Variants in PZP observed in about 807,000 individuals in gnomAD.
PZP encodes pregnancy zone protein.
In PZP, 150 loss-of-function variants were observed where a neutral mutation model predicts 179.8. That is an observed-to-expected ratio of 0.83 (90% CI 0.73 to 0.96). The LOEUF is 0.96. Among genes scored for constraint, PZP ranks in the 40% least tolerant of loss-of-function variants. PZP has a pLI of 0.00. For synonymous variants in PZP, 624 were observed against 652.3 expected, an observed-to-expected ratio of 0.96 and a Z score of 0.66; for missense variants, 1,689 against 1,764.0, an observed-to-expected ratio of 0.96 and a Z score of 0.76.
intron 11 of PZP, among the ~76,000 whole-genome samples, chr12:9,193,573 CTG>C (rs1943575959): frequency 6.6e-6 from 1 of 152,062 alleles, no homozygotes; most frequent in South Asian, 2.1e-4. Context: ...ACACGTGAAA[CTG>C]AGAAACAGAA....
chr12:9,203,337 CTTTTTTTTTTTTT>C (rs528084441), intron 2 of PZP, among the ~76,000 whole-genome samples: 2 of 114,592 alleles, frequency 1.7e-5, no homozygotes, highest in South Asian at 2.9e-4. Flanking sequence ...AACTACATTC[CTTTTTTTTTTTTT>C]TTTTTTTTTG....
At chr12:9,139,023 G>A in the PZP span, among the ~76,000 whole-genome samples, 1 of 151,742 alleles carries the variant, frequency 6.6e-6, no homozygotes, top group Non-Finnish European at 1.5e-5. Context: ...AATTTGGGTT[G>A]ATTATTTTAG....
Position 9,153,251 on chromosome 12 carries a change from T to C in PZP, c.3867A>G (p.Ser1289=). Residue 1289 remains serine (S), a synonymous_variant, in exon 30 of 36, where the codon TCA becomes TCG. Transcript: ENST00000261336. The stretch of plus-strand genomic sequence containing the variant: ...CTTGGAAATTTGTAGAAAAGGTCTG[T>C]GAATCCTGAACGGTGACCTGTGCAG... ...EKTAQVTVQD[S]QTFSTNFQVD... 2 of 1,614,200 alleles carry C rather than the reference T, an allele frequency of 1.2e-6. No individual in the cohort carries two copies. The highest frequency in any genetic ancestry group is 1.7e-6 in the Non-Finnish European group (2 of 1,180,018).
In PZP at chr12:9,153,136, C is replaced by T; in HGVS notation, c.3982G>A (p.Val1328Met). ...YVITVTGERC[V>M]YLQTSMKYNI... is the part of the protein sequence containing the mutation. ...GCTTGGAGCCCTACCTGAAGATACA[C>T]ACATCTTTCCCCAGTTACTGTTATG... The change falls in exon 30 of 36, where the codon GTG (valine) becomes ATG (methionine). Residue 1328 changes from valine (V) to methionine (M), a missense_variant. By Grantham distance (21) the Val-to-Met change is conservative (BLOSUM62 1). This residue lies in a region of PZP where 746 missense variants were observed against 749.2 expected (regional missense o/e 1.00). Coordinates refer to ENST00000261336, the MANE Select transcript of PZP (RefSeq NM_002864.3). The T allele has an allele frequency of 3.1e-6, 5 of 1,614,060 alleles. No homozygotes were observed. The highest frequency in any genetic ancestry group is 4.2e-6 in the Non-Finnish European group (5 of 1,179,908).
rs1351971123 is a variant in PZP, at chr12:9,170,559, A to G, written c.1840-968T>C. ...ACTGTCTTGGAATCTCAGCCAGCCG[A>G]CGGCAGTGGGTTGGAGTCCACCTGA... On this transcript the variant is annotated intron_variant, in intron 15 of 35. Coordinates refer to ENST00000261336, the MANE Select transcript of PZP (RefSeq NM_002864.3). This position sits in a 1 kb window ranked among gnomAD's most constrained non-coding sequence, Gnocchi z 4.6. Among the ~76,000 whole-genome samples the G allele has an allele frequency of 6.6e-6, 1 of 152,144 alleles. No homozygotes were observed. Among genetic ancestry groups the G allele is most frequent in the East Asian group, 1.9e-4 (1 of 5,182 alleles).
intron 19 of PZP, 105 bp downstream of exon 19, chr12:9,165,034 C>A (rs1941485946): frequency 7.3e-7 from 1 of 1,371,148 alleles, no homozygotes; most frequent in Admixed American, 1.8e-5. Context: ...TGCTAACACA[C>A]AATCCCTTGA....
chr12:9,205,239 T>C (rs1284461818), intron 1 of PZP, among the ~76,000 whole-genome samples: 1 of 152,196 alleles, frequency 6.6e-6, no homozygotes, highest in Non-Finnish European at 1.5e-5. Flanking sequence ...TGGCCTTAGC[T>C]TTATTGATGA....
At chr12:9,147,009 C>T (rs1940045197), downstream of PZP, among the ~76,000 whole-genome samples, 2 of 152,134 alleles carry the variant, frequency 1.3e-5, no homozygotes. Flanking sequence ...ATCTAGAATT[C>T]CAAGCTGCCA....
rs747354274 is a variant in PZP at position 9,169,416 on chromosome 12, A to C, written c.2001+14T>G. 2 of 1,570,600 alleles carry C rather than the reference A, an allele frequency of 1.3e-6. No homozygotes were observed. Among genetic ancestry groups the C allele is most frequent in the Admixed American group, 1.8e-5 (1 of 54,600 alleles). ...CTCACAAGCCAGCATGTTAATAAGT[A>C]GTGAGAATTTTACCTTGAGGAAGCT... On this transcript the variant is annotated intron_variant, in intron 16 of 35. Transcript: ENST00000261336.
chr12:9,195,248 A>T (rs1943701899), intron 10 of PZP, among the ~76,000 whole-genome samples: 1 of 152,168 alleles, frequency 6.6e-6, no homozygotes, highest in African/African-American at 2.4e-5. Flanking sequence ...ATTTAAAATA[A>T]TAAAAATACA....
chr12:9,202,276 C>T (rs930548368), intron 4 of PZP, 43 bp downstream of exon 4: 1 of 1,513,002 alleles, frequency 6.6e-7, no homozygotes, highest in African/African-American at 1.4e-5. Flanking sequence ...GGTGAGTATT[C>T]CCACTCTACC....
intron 17 of PZP, chr12:9,167,150 A>T (rs1047997480): frequency 6.6e-5 from 10 of 152,024 alleles, no homozygotes; most frequent in African/African-American, 2.4e-4. Flanking sequence ...CTCTGTCTTC[A>T]CTCTTATCTT....
rs750614401 is a variant in PZP at position 9,202,683 on chromosome 12, A to C, written c.269T>G (p.Leu90Arg). 6.2e-7 allele frequency: 1 copy of C among 1,612,806 alleles called. No homozygotes were observed. The highest frequency in any genetic ancestry group is 1.1e-5 in the South Asian group (1 of 90,942). Residue 90 changes from leucine (L) to arginine (R), a missense_variant and splice_region_variant, in exon 3 of 36, where the codon CTC becomes CGC. Coordinates refer to ENST00000261336, the MANE Select transcript of PZP (RefSeq NM_002864.3). ...CTCTGAAGAGGCTGAGATCCTTGGG[A>C]GCTAAAAAGCAAAGGATTTTTTACT... ...KDLFHCVSFTLPRISASSEVA... is the reference protein window; with the variant it reads ...KDLFHCVSFTRPRISASSEVA...
chr12:9,192,258 T>C lies in PZP; in HGVS notation c.1483-2A>G. 1 of 1,613,788 alleles carries C rather than the reference T, an allele frequency of 6.2e-7. No individual in the cohort carries two copies. Among genetic ancestry groups the C allele is most frequent in the Non-Finnish European group, 8.5e-7 (1 of 1,179,758 alleles). On this transcript the variant is annotated splice_acceptor_variant, in intron 12 of 35. Coordinates refer to ENST00000261336, the MANE Select transcript of PZP (RefSeq NM_002864.3). LOFTEE classifies it high-confidence loss of function. Reference sequence around the variant, plus strand: ...GACGATGACTCCCTTAGCCATGATCTGAAATGAAAAAACAGTGAAGGAAAT... The same window carrying C: ...GACGATGACTCCCTTAGCCATGATCCGAAATGAAAAAACAGTGAAGGAAAT...
At chr12:9,171,318 A>G (rs1235941651) in intron 15 of PZP, among the ~76,000 whole-genome samples, 3 of 152,220 alleles carry the variant, frequency 2.0e-5, no homozygotes, top group African/African-American at 7.2e-5. Context: ...AAACAACAGC[A>G]TCAACAAAAA....
chr12:9,171,161 T>C (rs1941973214), intron 15 of PZP, among the ~76,000 whole-genome samples: 1 of 152,196 alleles, frequency 6.6e-6, no homozygotes, highest in Admixed American at 6.5e-5. Flanking sequence ...GGCTGCCATC[T>C]TTGCTGTTTC....
chr12:9,144,039 G>C (rs1178710392), downstream of PZP, among the ~76,000 whole-genome samples: 1 of 152,236 alleles, frequency 6.6e-6, no homozygotes, highest in Middle Eastern at 3.2e-3. Flanking sequence ...TGGCATACCT[G>C]ACTTTCCCGG....
intron 13 of PZP, among the ~76,000 whole-genome samples, chr12:9,187,513 C>T (rs1758388048): frequency 6.6e-6 from 1 of 152,096 alleles, no homozygotes; most frequent in South Asian, 2.1e-4. Context: ...AAATAGAATT[C>T]AATAAGAAGA....
chr12:9,206,461 G>A (rs1002016164), intron 1 of PZP, among the ~76,000 whole-genome samples: 5 of 152,122 alleles, frequency 3.3e-5, no homozygotes, highest in Admixed American at 2.6e-4. Context: ...CTGCTAAAAT[G>A]TTTTAATATA....
Sources: allele counts gnomAD v4.1 joint callset (sites outside exome capture counted in the v4.1 genomes callset), GRCh38; gene constraint gnomAD v4.1.1; regional missense constraint gnomAD v4.1.1; non-coding constraint Gnocchi (gnomAD v3.1); transcripts MANE v1.5; gene names NCBI Gene and HGNC (gene_info 2026-07-23, HGNC 2026-07-21).